Variants in FER1L6 observed in about 807,000 individuals in gnomAD.
FER1L6 encodes fer-1-like protein 6.
Under a neutral mutation model 219.2 loss-of-function variants are expected in FER1L6, and 177 were observed. That is an observed-to-expected ratio of 0.81 (90% CI 0.71 to 0.91). FER1L6 has a LOEUF of 0.91. Among genes scored for constraint, FER1L6 ranks in the 40% least tolerant of loss-of-function variants. The pLI is 0.00. For missense variants in FER1L6, 2,153 were observed against 2,259.9 expected (o/e 0.95, Z 0.96); for synonymous variants, 768 against 824.3 (o/e 0.93, Z 1.17).
rs56699908 is a variant in FER1L6 at position 124,023,426 on chromosome 8, C to A, written c.2134-18C>A. 4.5e-3 allele frequency: 7,317 copies of A among 1,610,392 alleles called. 273 individuals carry two copies. The African/African-American group carries it at 0.08, about 18-fold the overall frequency. ...AAATCCCATTCCTATTCAATCCCAACTCCCTCTATTCCCACAGCCCCAGCA... is the reference window on the plus strand; with the variant it reads ...AAATCCCATTCCTATTCAATCCCAAATCCCTCTATTCCCACAGCCCCAGCA... On this transcript the variant is annotated intron_variant, in intron 17 of 40. Coordinates refer to ENST00000522917, the MANE Select transcript of FER1L6 (RefSeq NM_001039112.2).
intron 12 of FER1L6, among the ~76,000 whole-genome samples, chr8:124,001,979 T>G (rs777797758): frequency 1.3e-5 from 2 of 152,084 alleles, no homozygotes; most frequent in Non-Finnish European, 2.9e-5. Flanking sequence ...TCAGGAGAAG[T>G]GGGTGACGGA....
At chr8:124,101,808 G>C (rs1410092297) in intron 38 of FER1L6, among the ~76,000 whole-genome samples, 1 of 152,188 alleles carries the variant, frequency 6.6e-6, no homozygotes, top group African/African-American at 2.4e-5. Context: ...ATAACCTCAG[G>C]AGGTCTTGAT....
chr8:123,950,382 C>T (rs974032745), intron 1 of FER1L6, among the ~76,000 whole-genome samples: 1 of 152,178 alleles, frequency 6.6e-6, no homozygotes, highest in African/African-American at 2.4e-5. Flanking sequence ...GGGCAGGAAG[C>T]ATGCAAGAAT....
intron 1 of FER1L6, among the ~76,000 whole-genome samples, chr8:123,904,027 T>A (rs1213518971): frequency 6.6e-6 from 1 of 152,156 alleles, no homozygotes; most frequent in Non-Finnish European, 1.5e-5. Context: ...ACAGAAGACT[T>A]TAAGGCATGG....
chr8:123,905,433 G>A (rs1161689755), intron 1 of FER1L6, among the ~76,000 whole-genome samples: 2 of 152,122 alleles, frequency 1.3e-5, no homozygotes, highest in Admixed American at 1.3e-4. Context: ...TGGCTGCATA[G>A]TATCCCATGG....
chr8:124,054,456 G>A (rs1197335838), intron 22 of FER1L6, among the ~76,000 whole-genome samples: 3 of 152,088 alleles, frequency 2.0e-5, no homozygotes, highest in Non-Finnish European at 4.4e-5. Flanking sequence ...TTCAAAACTT[G>A]ATATTTCCCA....
chr8:124,071,304 C>T (rs1272074773), intron 30 of FER1L6, among the ~76,000 whole-genome samples: 4 of 152,236 alleles, frequency 2.6e-5, no homozygotes, highest in African/African-American at 9.6e-5. Context: ...TGTACAATGC[C>T]AATTCACTGG....
At chr8:123,895,197 C>T (rs1341610089) in intron 1 of FER1L6, among the ~76,000 whole-genome samples, 1 of 152,148 alleles carries the variant, frequency 6.6e-6, no homozygotes, top group Non-Finnish European at 1.5e-5. Context: ...AGATGTTTTA[C>T]AACATTAGTG....
intron 6 of FER1L6, 144 bp from the exon 7 acceptor site, chr8:123,973,290 G>A (rs1815905740): frequency 3.1e-6 from 2 of 642,068 alleles, no homozygotes; most frequent in South Asian, 3.9e-5. Context: ...TGAAGGTGTT[G>A]AGGGGCTTCT....
intron 12 of FER1L6, among the ~76,000 whole-genome samples, chr8:123,988,212 T>G (rs1173855987): frequency 6.6e-6 from 1 of 152,232 alleles, no homozygotes; most frequent in Non-Finnish European, 1.5e-5. Flanking sequence ...AGTACCACAC[T>G]GTTGTGGTTA....
chr8:123,934,503 A>G (rs77419034), intron 1 of FER1L6, among the ~76,000 whole-genome samples: 1,814 of 151,394 alleles, frequency 0.012, 39 homozygotes, highest in African/African-American at 0.041. Context: ...TATTTGCTTG[A>G]TTATTCCTTT....
At position 124,025,052 on chromosome 8, in the gene FER1L6, TA is replaced by T. The variant is rs1028488693; in HGVS notation, c.2286+1457del. Reference sequence around the variant, plus strand: ...TCTTTTATGCAGTTTTTAATGGAATTATTTTTTTATGTTGATTTGTTTGAGT... The same window carrying T: ...TCTTTTATGCAGTTTTTAATGGAATTTTTTTTTATGTTGATTTGTTTGAGT... On this transcript the variant is annotated intron_variant, in intron 18 of 40. Transcript: ENST00000522917. 4.7e-4 allele frequency among the ~76,000 whole-genome samples: 70 copies of T among 149,632 alleles called. 2 individuals carry two copies. The East Asian group carries it at 0.012, about 26-fold the overall frequency.
chr8:123,894,538 A>G (rs1364428896), intron 1 of FER1L6, among the ~76,000 whole-genome samples: 2 of 152,204 alleles, frequency 1.3e-5, no homozygotes, highest in South Asian at 2.1e-4. Flanking sequence ...GTACTAAACA[A>G]TTGTAAAATG....
At chr8:123,889,648 A>T (rs1812604410) in intron 1 of FER1L6, among the ~76,000 whole-genome samples, 1 of 152,084 alleles carries the variant, frequency 6.6e-6, no homozygotes, top group Non-Finnish European at 1.5e-5. Context: ...GTATATAAAA[A>T]AGGAGATGTG....
chr8:123,875,544 A>G (rs1187519354), intron 1 of FER1L6, among the ~76,000 whole-genome samples: 1 of 152,128 alleles, frequency 6.6e-6, no homozygotes, highest in African/African-American at 2.4e-5. Flanking sequence ...TTTAAATACC[A>G]TCTTCCAATT....
chr8:123,916,468 C>G (rs757405647), intron 1 of FER1L6, among the ~76,000 whole-genome samples: 2 of 152,234 alleles, frequency 1.3e-5, no homozygotes, highest in Non-Finnish European at 2.9e-5. Flanking sequence ...TTGCCCTACT[C>G]TCTTGCCACA....
At chr8:123,991,046 T>G (rs916209871) in intron 12 of FER1L6, among the ~76,000 whole-genome samples, 2 of 152,250 alleles carry the variant, frequency 1.3e-5, no homozygotes, top group Non-Finnish European at 2.9e-5. Context: ...TTCTGGGTTC[T>G]CTGTTCTGTT....
intron 2 of FER1L6, among the ~76,000 whole-genome samples, chr8:123,957,206 C>T (rs979076032): frequency 9.9e-5 from 15 of 152,162 alleles, no homozygotes; most frequent in African/African-American, 3.1e-4. Flanking sequence ...TTAGGTAGAA[C>T]CTATCCTTAT....
At chr8:124,054,675 C>T (rs536055794) in intron 22 of FER1L6, among the ~76,000 whole-genome samples, 38 of 152,182 alleles carry the variant, frequency 2.5e-4, no homozygotes, top group South Asian at 8.3e-4. Context: ...CCTTTAGATG[C>T]GGAGGGAAGA....
Sources: allele counts gnomAD v4.1 joint callset (sites outside exome capture counted in the v4.1 genomes callset), GRCh38; gene constraint gnomAD v4.1.1; transcripts MANE v1.5; gene names NCBI Gene and HGNC (gene_info 2026-07-23, HGNC 2026-07-21).